Variants in CACNB2 observed in about 807,000 individuals in gnomAD.
CACNB2 encodes calcium voltage-gated channel auxiliary subunit beta 2.
CACNB2 carries 42 observed loss-of-function variants against 73.3 expected under a neutral mutation model. The ratio of observed to expected loss-of-function variants is 0.57; its 90% CI spans 0.45 to 0.74. The LOEUF (loss-of-function observed/expected upper bound fraction) is 0.74. Among genes scored for constraint, CACNB2 ranks in the 30% least tolerant of loss-of-function variants. CACNB2 has a pLI of 0.00. For synonymous variants in CACNB2, 348 were observed against 310.3 expected, an observed-to-expected ratio of 1.12 and a Z score of -1.28; for missense variants, 940 against 853.0, an observed-to-expected ratio of 1.10 and a Z score of -1.27.
chr10:18,325,317 G>A (rs2040539530), intron 2 of CACNB2, among the ~76,000 whole-genome samples: 1 of 152,052 alleles, frequency 6.6e-6, no homozygotes. Flanking sequence ...AGCCTCTCAG[G>A]TAGCTGGGAC....
intron 10 of CACNB2, among the ~76,000 whole-genome samples, chr10:18,528,515 G>C (rs570902405): frequency 6.6e-6 from 1 of 152,142 alleles, no homozygotes; most frequent in African/African-American, 2.4e-5. Context: ...TCTGTTTATA[G>C]GTTAGATATA....
chr10:18,319,400 G>A (rs2040313254), intron 2 of CACNB2, among the ~76,000 whole-genome samples: 1 of 151,962 alleles, frequency 6.6e-6, no homozygotes, highest in Non-Finnish European at 1.5e-5. Context: ...TGAAAAATGA[G>A]AACACATGGA....
At chr10:18,350,847 G>A (rs1312980904) in intron 2 of CACNB2, among the ~76,000 whole-genome samples, 4 of 152,138 alleles carry the variant, frequency 2.6e-5, no homozygotes, top group East Asian at 1.9e-4. Flanking sequence ...TCGTTCTGCC[G>A]TCCATGCTGG....
intron 2 of CACNB2, among the ~76,000 whole-genome samples, chr10:18,342,455 T>A (rs1352310705): frequency 6.6e-6 from 1 of 152,204 alleles, no homozygotes; most frequent in East Asian, 1.9e-4. Flanking sequence ...TAGCAAGATC[T>A]GTGTCTACAG....
chr10:18,472,046 T>G (rs986837185), intron 3 of CACNB2, among the ~76,000 whole-genome samples: 2 of 152,090 alleles, frequency 1.3e-5, no homozygotes, highest in African/African-American at 4.8e-5. Flanking sequence ...CTCTGGCTCC[T>G]TCACTGCCCC....
chr10:18,375,024 A>G (rs1345869417), intron 2 of CACNB2, among the ~76,000 whole-genome samples: 1 of 152,132 alleles, frequency 6.6e-6, no homozygotes, highest in Non-Finnish European at 1.5e-5. Context: ...TTGAAAATGC[A>G]CACGGCAACA....
rs553581819 is a variant in CACNB2 at position 18,247,473 on chromosome 10, G to A, written c.213+96498G>A. ...AGTTTTCTTTAGAGTTGCCCAGTAG[G>A]GGGTATGAAGTGCCGGCTGGATATA... On this transcript the variant is annotated intron_variant, in intron 2 of 13. Transcript: ENST00000324631. Among the ~76,000 whole-genome samples the A allele has an allele frequency of 7.2e-4, 109 of 152,196 alleles. 1 individual carries two copies. Among genetic ancestry groups the A allele is most frequent in the Middle Eastern group, 3.4e-3 (1 of 294 alleles).
At chr10:18,428,296 C>T (rs963279050) in intron 3 of CACNB2, among the ~76,000 whole-genome samples, 4 of 152,196 alleles carry the variant, frequency 2.6e-5, no homozygotes, top group Non-Finnish European at 5.9e-5. Context: ...TGTGATTACA[C>T]ATGTTTGCAC....
At chr10:18,452,140 A>T (rs2047048242) in intron 3 of CACNB2, among the ~76,000 whole-genome samples, 2 of 152,232 alleles carry the variant, frequency 1.3e-5, no homozygotes, top group South Asian at 4.1e-4. Flanking sequence ...TAATAAAAAT[A>T]CAGCTGGGCA....
chr10:18,538,152 A>G (rs1247275808), intron 12 of CACNB2, 28 bp from the exon 13 acceptor site: 3 of 1,613,200 alleles, frequency 1.9e-6, no homozygotes, highest in South Asian at 1.1e-5. Context: ...GCTGGCATCA[A>G]TGTGGTCTGG....
intron 9 of CACNB2, among the ~76,000 whole-genome samples, chr10:18,526,854 C>T (rs1235572727): frequency 6.6e-6 from 1 of 152,118 alleles, no homozygotes; most frequent in Non-Finnish European, 1.5e-5. Flanking sequence ...TGAACTATGG[C>T]ACAGAGACTA....
chr10:18,274,021 T>G (rs1027939969), intron 2 of CACNB2, among the ~76,000 whole-genome samples: 10 of 152,164 alleles, frequency 6.6e-5, no homozygotes, highest in Non-Finnish European at 1.3e-4. Context: ...CAATTTGGAT[T>G]TTGCTTTTCC....
At chr10:18,537,240 G>C (rs896012324) in intron 12 of CACNB2, among the ~76,000 whole-genome samples, 9 of 151,966 alleles carry the variant, frequency 5.9e-5, no homozygotes, top group African/African-American at 2.2e-4. Flanking sequence ...CATCCACCTT[G>C]GCCTCCCAAA....
intron 2 of CACNB2, among the ~76,000 whole-genome samples, chr10:18,347,865 A>G (rs1051746685): frequency 3.9e-5 from 6 of 152,248 alleles, no homozygotes; most frequent in African/African-American, 9.6e-5. Flanking sequence ...AATGTTCAAT[A>G]TAAACACTTG....
At chr10:18,348,183 C>T (rs1185812164) in intron 2 of CACNB2, among the ~76,000 whole-genome samples, 3 of 152,118 alleles carry the variant, frequency 2.0e-5, no homozygotes, top group African/African-American at 7.2e-5. Flanking sequence ...AACACGTTTG[C>T]AACGATGTAC....
intron 2 of CACNB2, among the ~76,000 whole-genome samples, chr10:18,161,612 T>C (rs927494279): frequency 4.8e-5 from 7 of 146,142 alleles, no homozygotes; most frequent in African/African-American, 1.8e-4. Flanking sequence ...ATCTGAAAGT[T>C]GGAACATGGC....
chr10:18,148,831 C>CA (rs2031245248), intron 1 of CACNB2, among the ~76,000 whole-genome samples: 2 of 151,694 alleles, frequency 1.3e-5, no homozygotes, highest in African/African-American at 4.8e-5. Context: ...CCTGTCTCTA[C>CA]AAAAAACAAA....
chr10:18,157,094 T>C (rs118006251), intron 2 of CACNB2, among the ~76,000 whole-genome samples: 2,335 of 151,982 alleles, frequency 0.015, 31 homozygotes, highest in Non-Finnish European at 0.023. Flanking sequence ...CTGTGGTTTA[T>C]CTGATTGCTT....
At chr10:18,228,144 C>T (rs772530612) in intron 2 of CACNB2, among the ~76,000 whole-genome samples, 8 of 152,010 alleles carry the variant, frequency 5.3e-5, no homozygotes, top group Non-Finnish European at 7.4e-5. Context: ...AAAAATAGGC[C>T]GGACGCGGTG....
Sources: gnomAD v4.1 joint callset for allele counts (sites outside exome capture counted in the v4.1 genomes callset) on GRCh38, gnomAD v4.1.1 for gene constraint, MANE v1.5 for transcripts, NCBI Gene and HGNC (gene_info 2026-07-23, HGNC 2026-07-21) for gene names.